Variants in SPARCL1 observed in about 807,000 individuals in gnomAD.
SPARCL1 encodes SPARC-like protein 1.
In SPARCL1, 52 loss-of-function variants were observed where a neutral mutation model predicts 67.1. That is an observed-to-expected ratio of 0.78 (90% confidence interval 0.62 to 0.98). SPARCL1 has a LOEUF of 0.98. SPARCL1 is among the 50% of genes least tolerant of loss of function. The pLI is 0.00. For missense variants in SPARCL1, 717 were observed against 782.4 expected (o/e 0.92, Z 1.00); for synonymous variants, 226 against 267.8 (o/e 0.84, Z 1.52).
chr4:87,487,999 C>A (rs899760832), intron 7 of SPARCL1, among the ~76,000 whole-genome samples: 12 of 152,110 alleles, frequency 7.9e-5, no homozygotes, highest in Non-Finnish European at 1.6e-4. Flanking sequence ...TTCCTCTAAC[C>A]TTTTTTCAAG....
intron 7 of SPARCL1, among the ~76,000 whole-genome samples, chr4:87,488,600 T>C (rs1724173936): frequency 6.6e-6 from 1 of 152,286 alleles, no homozygotes; most frequent in Non-Finnish European, 1.5e-5. Flanking sequence ...GGCAGTCTGT[T>C]CCTTAGCAGA....
intron 1 of SPARCL1, among the ~76,000 whole-genome samples, chr4:87,506,358 T>A (rs1489422310): frequency 6.6e-6 from 1 of 152,222 alleles, no homozygotes; most frequent in Non-Finnish European, 1.5e-5. Context: ...CCCAGATATC[T>A]ACTTAGACAT....
At position 87,490,327 on chromosome 4, in the gene SPARCL1, C is replaced by G; in HGVS notation, c.1477G>C (p.Glu493Gln). ...AGTTGATGCCCCTTTTTGGTCCCCT[C>G]CAGTCTGCATTTAGTAGCGAATAGA... The part of the protein sequence containing the change: ...CHLFATKCRL[E>Q]GTKKGHQLQL... Residue 493 changes from glutamate (E) to glutamine (Q), a missense_variant, in exon 7 of 11, where the codon GAG (glutamate) becomes CAG (glutamine). Physicochemically the swap from Glu to Gln is conservative, Grantham distance 29. Transcript: ENST00000282470. 1 of 1,613,334 alleles carries G rather than the reference C, an allele frequency of 6.2e-7. No individual in the cohort carries two copies. The highest frequency in any genetic ancestry group is 8.5e-7 in the Non-Finnish European group (1 of 1,179,648).
intron 4 of SPARCL1, among the ~76,000 whole-genome samples, chr4:87,491,949 C>T (rs58264589): frequency 1.1e-4 from 8 of 70,366 alleles, no homozygotes; most frequent in South Asian, 6.5e-4. Context: ...TACCCACCCC[C>T]CCCCCCAAAA....
At chr4:87,509,067 A>G (rs1725239446) in intron 1 of SPARCL1, among the ~76,000 whole-genome samples, 1 of 148,440 alleles carries the variant, frequency 6.7e-6, no homozygotes, top group East Asian at 1.9e-4. Context: ...ATATGTATAT[A>G]CTAATAATGT....
intron 1 of SPARCL1, among the ~76,000 whole-genome samples, chr4:87,520,437 T>C (rs1338233322): frequency 6.6e-6 from 1 of 152,116 alleles, no homozygotes; most frequent in East Asian, 1.9e-4. Context: ...TAATGGATCC[T>C]TGAGGAAACT....
At chr4:87,477,506 T>C (rs972923133) in intron 10 of SPARCL1, among the ~76,000 whole-genome samples, 2 of 152,196 alleles carry the variant, frequency 1.3e-5, no homozygotes, top group African/African-American at 4.8e-5. Context: ...GATATATAAC[T>C]TCTGAGGTTA....
At chr4:87,474,644 T>G (rs920946973) in intron 10 of SPARCL1, among the ~76,000 whole-genome samples, 1 of 152,176 alleles carries the variant, frequency 6.6e-6, no homozygotes, top group Non-Finnish European at 1.5e-5. Flanking sequence ...TTTCCTTTTT[T>G]ACTAGACCCT....
intron 1 of SPARCL1, among the ~76,000 whole-genome samples, chr4:87,509,021 C>G (rs1249916734): frequency 1.4e-5 from 2 of 147,150 alleles, no homozygotes; most frequent in Non-Finnish European, 3.0e-5. Context: ...TACTTATATA[C>G]ATGTATCTAT....
intron 8 of SPARCL1, 138 bp downstream of exon 8, chr4:87,482,286 A>T: frequency 1.2e-6 from 1 of 827,764 alleles, no homozygotes; most frequent in Non-Finnish European, 1.9e-6. Context: ...TATTCTGTTA[A>T]GCCACATGGG....
chr4:87,486,180 C>T (rs979555158), intron 7 of SPARCL1, among the ~76,000 whole-genome samples: 14 of 152,188 alleles, frequency 9.2e-5, no homozygotes, highest in African/African-American at 3.4e-4. Flanking sequence ...TTAGATCTTT[C>T]CTGCTTTCTC....
chr4:87,498,387 A>G (rs1724708947), intron 2 of SPARCL1, among the ~76,000 whole-genome samples: 1 of 152,160 alleles, frequency 6.6e-6, no homozygotes, highest in Non-Finnish European at 1.5e-5. Flanking sequence ...AGACCTAGAG[A>G]AGAAGGGAGG....
At chr4:87,497,949 T>A (rs750157534) in intron 2 of SPARCL1, among the ~76,000 whole-genome samples, 4 of 152,098 alleles carry the variant, frequency 2.6e-5, no homozygotes, top group Non-Finnish European at 5.9e-5. Context: ...TGTAGAGACG[T>A]GGCCTCACTA....
At chr4:87,479,667 TA>T (rs1723727525) in intron 9 of SPARCL1, 89 bp from the exon 10 acceptor site, 7 of 1,296,568 alleles carry the variant, frequency 5.4e-6, no homozygotes, top group Non-Finnish European at 7.6e-6. Context: ...TTTTCTCCCA[TA>T]AGGTTGCTGT....
intron 4 of SPARCL1, among the ~76,000 whole-genome samples, chr4:87,492,067 G>A (rs1724370722): frequency 6.6e-6 from 1 of 151,518 alleles, no homozygotes; most frequent in African/African-American, 2.4e-5. Context: ...GCAGTAAGCT[G>A]TGATTGCATC....
intron 2 of SPARCL1, among the ~76,000 whole-genome samples, chr4:87,498,096 C>T (rs1181920359): frequency 6.6e-6 from 1 of 152,166 alleles, no homozygotes; most frequent in Non-Finnish European, 1.5e-5. Context: ...ATAACAGCAA[C>T]AGCCACAAGG....
intron 6 of SPARCL1, 89 bp downstream of exon 6, chr4:87,490,671 T>C: frequency 5.1e-6 from 5 of 976,372 alleles, no homozygotes; most frequent in Non-Finnish European, 7.7e-6. Flanking sequence ...GTATCTACCT[T>C]TTTTAAGCAA....
chr4:87,509,427 C>T (rs1157476463), intron 1 of SPARCL1, among the ~76,000 whole-genome samples: 1 of 152,142 alleles, frequency 6.6e-6, no homozygotes, highest in Non-Finnish European at 1.5e-5. Flanking sequence ...TGTCTGTGTT[C>T]TTAACTACAG....
chr4:87,500,063 ATCTGT>A (rs1039271451), intron 1 of SPARCL1, among the ~76,000 whole-genome samples: 15 of 152,300 alleles, frequency 9.8e-5, no homozygotes, highest in African/African-American at 3.6e-4. Context: ...TTTACTGGCA[ATCTGT>A]GAGTTAGGGG....
Sources: gnomAD v4.1 joint callset for allele counts (sites outside exome capture counted in the v4.1 genomes callset) on GRCh38, gnomAD v4.1.1 for gene constraint, MANE v1.5 for transcripts, NCBI Gene and HGNC (gene_info 2026-07-23, HGNC 2026-07-21) for gene names.